ARIH1: variants seen among roughly 807,000 people sequenced by gnomAD.
ARIH1 encodes ariadne RBR E3 ubiquitin protein ligase 1, also known as E3 ubiquitin-protein ligase ARIH1.
In ARIH1, 8 loss-of-function variants were observed where a neutral mutation model predicts 85.0. That is an observed-to-expected ratio of 0.09 (90% CI 0.06 to 0.17). ARIH1 has a LOEUF of 0.17. Ranked by LOEUF, ARIH1 falls within the 10% of genes least tolerant of loss-of-function variation. ARIH1 has a pLI of 1.00. For synonymous variants in ARIH1, 238 were observed against 253.6 expected, an observed-to-expected ratio of 0.94 and a Z score of 0.59; for missense variants, 311 against 718.1, an observed-to-expected ratio of 0.43 and a Z score of 6.48.
intron 1 of ARIH1, among the ~76,000 whole-genome samples, chr15:72,486,139 T>C (rs1352983703): frequency 6.6e-6 from 1 of 152,208 alleles, no homozygotes; most frequent in African/African-American, 2.4e-5. Flanking sequence ...CACCTAGTGA[T>C]AGGAGGTCAT....
chr15:72,516,073 A>G (rs1346664646), intron 1 of ARIH1, among the ~76,000 whole-genome samples: 2 of 152,230 alleles, frequency 1.3e-5, no homozygotes, highest in Admixed American at 1.3e-4. Context: ...GTTACTTTTG[A>G]TAAACCAATA....
chr15:72,516,575 G>A (rs1332310207), intron 1 of ARIH1, among the ~76,000 whole-genome samples: 2 of 152,134 alleles, frequency 1.3e-5, no homozygotes, highest in Admixed American at 1.3e-4. Context: ...GTGTCTATCA[G>A]CAGTGCTCTG....
Position 72,589,848 on chromosome 15 carries a change from C to G in ARIH1, c.*6556C>G, listed in dbSNP as rs1567364587. On this transcript the variant is annotated 3_prime_UTR_variant, in exon 14 of 14. Transcript: ENST00000379887. ...TTTTATTTTTTATTTTTTTAAGAGACAGTCTTGCTATGTTGCCCAGGCTGG... is the reference window on the plus strand; with the variant it reads ...TTTTATTTTTTATTTTTTTAAGAGAGAGTCTTGCTATGTTGCCCAGGCTGG... 2 of 151,992 alleles carry G rather than the reference C, an allele frequency of 1.3e-5. No individual in the cohort carries two copies. Among genetic ancestry groups the G allele is most frequent in the African/African-American group, 2.4e-5 (1 of 41,350 alleles). The allele number at this position is 151,992 out of a possible 1,614,324, so 9.4% of individuals were successfully genotyped here.
intron 11 of ARIH1, among the ~76,000 whole-genome samples, chr15:72,575,700 G>C (rs2064267938): frequency 6.6e-6 from 1 of 152,074 alleles, no homozygotes; most frequent in African/African-American, 2.4e-5. Flanking sequence ...GGTAAGGGAG[G>C]GTTTTCATTT....
chr15:72,513,645 G>C (rs1595857762), intron 1 of ARIH1, among the ~76,000 whole-genome samples: 1 of 147,214 alleles, frequency 6.8e-6, no homozygotes, highest in Non-Finnish European at 1.5e-5. Context: ...ATTTCTTATA[G>C]CTTTTCTTTT....
intron 1 of ARIH1, chr15:72,475,242 G>C (rs2063789818): frequency 2.0e-6 from 2 of 1,004,410 alleles, no homozygotes; most frequent in South Asian, 4.4e-5. Flanking sequence ...CCCAAGTCCT[G>C]CTATGGCGGA....
chr15:72,497,062 C>G (rs2063883034), intron 1 of ARIH1, among the ~76,000 whole-genome samples: 2 of 152,208 alleles, frequency 1.3e-5, no homozygotes, highest in South Asian at 4.1e-4. Context: ...AACCAGAAGC[C>G]TACTTGGCAC....
intron 1 of ARIH1, among the ~76,000 whole-genome samples, chr15:72,507,809 A>G (rs1405368336): frequency 6.6e-6 from 1 of 152,264 alleles, no homozygotes; most frequent in Non-Finnish European, 1.5e-5. Context: ...AATCAGACTT[A>G]CTAATCAACT....
chr15:72,554,151 C>T (rs1276734273), intron 3 of ARIH1, among the ~76,000 whole-genome samples: 2 of 151,912 alleles, frequency 1.3e-5, no homozygotes, highest in Non-Finnish European at 2.9e-5. Flanking sequence ...CATTTTTTGG[C>T]TGTTACGAAT....
intron 1 of ARIH1, among the ~76,000 whole-genome samples, chr15:72,492,156 A>G (rs1404260788): frequency 6.6e-6 from 1 of 152,156 alleles, no homozygotes; most frequent in African/African-American, 2.4e-5. Flanking sequence ...ACTGTTTTCT[A>G]CTCTAAGCAT....
rs2064352294 is a variant in ARIH1, at chr15:72,593,838, G to C, written c.*10546G>C. ...AATTAGCTCATCTTGTTTTTCAAACGTAGATGTGCTGGGTTAGCTGTGTTC... is the reference window on the plus strand; with the variant it reads ...AATTAGCTCATCTTGTTTTTCAAACCTAGATGTGCTGGGTTAGCTGTGTTC... On this transcript the variant is annotated 3_prime_UTR_variant, in exon 14 of 14. Transcript: ENST00000379887. 6.6e-6 allele frequency: 1 copy of C among 151,576 alleles called. No individual in the cohort carries two copies. 9.4% of individuals were successfully genotyped at this position (151,576 alleles called of 1,614,324 possible). A position where few individuals can be genotyped will look rare whatever the true frequency, so the allele number is the denominator to read the frequency against.
chr15:72,542,280 T>C (rs2064110696), intron 2 of ARIH1, among the ~76,000 whole-genome samples: 1 of 152,162 alleles, frequency 6.6e-6, no homozygotes, highest in African/African-American at 2.4e-5. Flanking sequence ...ACATAAAAAT[T>C]TTAAAGTGGT....
At chr15:72,500,707 AAT>A (rs1239612931) in intron 1 of ARIH1, among the ~76,000 whole-genome samples, 3 of 152,194 alleles carry the variant, frequency 2.0e-5, no homozygotes, top group African/African-American at 7.2e-5. Flanking sequence ...GGTGACAGAT[AAT>A]ATCTAAAATA....
rs900900738 is a variant in ARIH1 at position 72,491,931 on chromosome 15, A to G, written c.375+16917A>G. On this transcript the variant is annotated intron_variant, in intron 1 of 13. Transcript: ENST00000379887. ...CTGTTTGCCTCTGCGGAACTCTTCT[A>G]CCTTTTTCCATCCTGCTGTGCTCCA... 4.6e-5 allele frequency among the ~76,000 whole-genome samples: 7 copies of G among 152,218 alleles called. No homozygotes were observed. The South Asian group carries it at 6.2e-4, about 14-fold the overall frequency.
intron 2 of ARIH1, among the ~76,000 whole-genome samples, chr15:72,524,100 C>A (rs796140087): frequency 3.9e-5 from 6 of 151,994 alleles, no homozygotes; most frequent in African/African-American, 1.4e-4. Context: ...GCGCCTGCCA[C>A]CATGCCTGGC....
At chr15:72,481,010 G>T (rs2063814444) in intron 1 of ARIH1, among the ~76,000 whole-genome samples, 1 of 152,170 alleles carries the variant, frequency 6.6e-6, no homozygotes, top group East Asian at 1.9e-4. Flanking sequence ...TTGAATTCAG[G>T]TGTGCATATT....
At chr15:72,511,163 G>C (rs1046549601) in intron 1 of ARIH1, among the ~76,000 whole-genome samples, 1 of 152,070 alleles carries the variant, frequency 6.6e-6, no homozygotes, top group African/African-American at 2.4e-5. Context: ...ATATTTTGCA[G>C]TTTTCCGTGT....
Position 72,589,353 on chromosome 15 carries a change from A to T in ARIH1, c.*6061A>T, listed in dbSNP as rs1241439476. ...ACATGTGAAAACAAAACCTAGTTAC[A>T]ATAATAAGCACACCAGTGCTAACTT... is the stretch of plus-strand genomic sequence containing the variant. On this transcript the variant is annotated 3_prime_UTR_variant, in exon 14 of 14. Transcript: ENST00000379887. The T allele has an allele frequency of 6.6e-6, 1 of 152,222 alleles. No homozygotes were observed. The highest frequency in any genetic ancestry group is 1.5e-5 in the Non-Finnish European group (1 of 68,042). The allele number at this position is 152,222 out of a possible 1,614,324, so 9.4% of individuals were successfully genotyped here.
At chr15:72,570,145 A>G (rs1404879962) in intron 9 of ARIH1, 32 bp from the exon 10 acceptor site, 1 of 1,611,570 alleles carries the variant, frequency 6.2e-7, no homozygotes, top group Non-Finnish European at 8.5e-7. Flanking sequence ...CTAGTGTAGC[A>G]TTGACACCAA....
Sources: gnomAD v4.1 joint callset for allele counts (sites outside exome capture counted in the v4.1 genomes callset) on GRCh38, gnomAD v4.1.1 for gene constraint, MANE v1.5 for transcripts, NCBI Gene and HGNC (gene_info 2026-07-23, HGNC 2026-07-21) for gene names.